Variants in ZBTB5 observed in about 807,000 individuals in gnomAD.
ZBTB5 encodes zinc finger and BTB domain containing 5, also known as zinc finger and BTB domain-containing protein 5.
ZBTB5 carries 15 observed loss-of-function variants against 37.9 expected under a neutral mutation model. The ratio of observed to expected loss-of-function variants is 0.40; its 90% CI spans 0.26 to 0.61. ZBTB5 has a LOEUF of 0.61. Among genes scored for constraint, ZBTB5 ranks in the 20% least tolerant of loss-of-function variants. The pLI is 0.47. For synonymous variants in ZBTB5, 315 were observed against 312.4 expected, an observed-to-expected ratio of 1.01 and a Z score of -0.09; for missense variants, 708 against 856.8, an observed-to-expected ratio of 0.83 and a Z score of 2.17.
At chr9:37,445,474 C>T (rs1328749111) in intron 1 of ZBTB5, among the ~76,000 whole-genome samples, 1 of 151,750 alleles carries the variant, frequency 6.6e-6, no homozygotes, top group African/African-American at 2.4e-5. Flanking sequence ...GGGCAAAACC[C>T]CATCTCTTAC....
intron 1 of ZBTB5, among the ~76,000 whole-genome samples, chr9:37,448,740 T>C (rs1206796579): frequency 1.3e-5 from 2 of 152,344 alleles, no homozygotes; most frequent in African/African-American, 4.8e-5. Context: ...TGTCAACTTA[T>C]TTAAAAATAG....
Position 37,443,256 on chromosome 9 carries a change from A to C in ZBTB5, c.-4-701T>G, listed in dbSNP as rs1449102460. On this transcript the variant is annotated intron_variant, in intron 1 of 1. Coordinates refer to ENST00000307750, the MANE Select transcript of ZBTB5 (RefSeq NM_014872.3). ...ATCCCAGGTACTCGGGAGGCTGAGG[A>C]GGCGGAGGTTGCAGTGAGCTGAGAT... Among the ~76,000 whole-genome samples the C allele has an allele frequency of 2.6e-5, 4 of 151,514 alleles. No homozygotes were observed. In the East Asian group the frequency reaches 5.8e-4, roughly 22 times the overall value.
chr9:37,452,839 A>G (rs1255170215), intron 1 of ZBTB5, among the ~76,000 whole-genome samples: 1 of 152,204 alleles, frequency 6.6e-6, no homozygotes, highest in Non-Finnish European at 1.5e-5. Flanking sequence ...CTCTGGGCCC[A>G]TGCACAAAGT....
intron 1 of ZBTB5, among the ~76,000 whole-genome samples, chr9:37,449,694 C>CAAAAAA (rs60696023): frequency 2.0e-5 from 1 of 50,026 alleles, no homozygotes; most frequent in African/African-American, 6.0e-5. Context: ...ATGAGACTCT[C>CAAAAAA]AAAAAAAAAA....
intron 1 of ZBTB5, among the ~76,000 whole-genome samples, chr9:37,456,705 C>CT (rs1162659777): frequency 1.3e-5 from 2 of 152,160 alleles, no homozygotes; most frequent in Non-Finnish European, 2.9e-5. Context: ...AGCTCAAATG[C>CT]TTTTTCTACT....
rs532719014 is a variant in ZBTB5, at chr9:37,450,996, G to A, written c.-4-8441C>T. 6.1e-4 allele frequency among the ~76,000 whole-genome samples: 93 copies of A among 152,014 alleles called. 1 individual carries two copies. Among genetic ancestry groups the A allele is most frequent in the Non-Finnish European group, 4.9e-4 (33 of 67,968 alleles). On this transcript the variant is annotated intron_variant, in intron 1 of 1. Transcript: ENST00000307750. ...TGGAAAACAGGAACCTGGGCAACAT[G>A]GTGAGACCCCCGTCTCTACCAAAAA...
chr9:37,447,547 T>C (rs920332340), intron 1 of ZBTB5, among the ~76,000 whole-genome samples: 6 of 152,190 alleles, frequency 3.9e-5, no homozygotes, highest in African/African-American at 1.4e-4. Flanking sequence ...CACTGCAGCT[T>C]TGAACTCCTG....
chr9:37,442,614 C>T, intron 1 of ZBTB5, 59 bp from the exon 2 acceptor site: 1 of 1,376,338 alleles, frequency 7.3e-7, no homozygotes, highest in Non-Finnish European at 9.9e-7. Context: ...AGTCAGAACA[C>T]AAAGGGTATG....
At chr9:37,447,773 A>T (rs763186716) in intron 1 of ZBTB5, among the ~76,000 whole-genome samples, 2 of 151,902 alleles carry the variant, frequency 1.3e-5, no homozygotes, top group African/African-American at 2.4e-5. Flanking sequence ...AGGCATACTG[A>T]TTTAAAAGGG....
chr9:37,457,696 C>G (rs980775105), intron 1 of ZBTB5, among the ~76,000 whole-genome samples: 1 of 152,212 alleles, frequency 6.6e-6, no homozygotes. Context: ...GTGAAAGAAC[C>G]TCTCAATGGT....
chr9:37,446,383 T>C (rs1474528917), intron 1 of ZBTB5, among the ~76,000 whole-genome samples: 1 of 152,120 alleles, frequency 6.6e-6, no homozygotes. Flanking sequence ...TCCACAAAAT[T>C]CAAGGGTCTA....
rs1422746788 is a variant in ZBTB5 at position 37,440,294 on chromosome 9, A to G, written c.*224T>C. ...CTTTCTGACTGCATTACTCAACCCC[A>G]AGGAAGCACCTGGTTTCAGGGATTG... On this transcript the variant is annotated 3_prime_UTR_variant, in exon 2 of 2. Coordinates refer to ENST00000307750, the MANE Select transcript of ZBTB5 (RefSeq NM_014872.3). 3 of 540,754 alleles carry G rather than the reference A, an allele frequency of 5.5e-6. No homozygotes were observed. Among genetic ancestry groups the G allele is most frequent in the Non-Finnish European group, 6.5e-6 (2 of 306,954 alleles). The allele number at this position is 540,754 out of a possible 1,614,324, so 33.5% of individuals were successfully genotyped here. A position where few individuals can be genotyped will look rare whatever the true frequency, so the allele number is the denominator to read the frequency against.
chr9:37,452,550 C>T (rs1824122984), intron 1 of ZBTB5, among the ~76,000 whole-genome samples: 1 of 152,140 alleles, frequency 6.6e-6, no homozygotes, highest in African/African-American at 2.4e-5. Flanking sequence ...AGAGGCAAAT[C>T]ATAAGAGAAA....
Position 37,441,386 on chromosome 9 carries a change from A to G in ZBTB5, c.1166T>C (p.Val389Ala), listed in dbSNP as rs150343288. 810 of 1,613,916 alleles carry G rather than the reference A, an allele frequency of 5.0e-4. No individual in the cohort carries two copies. The highest frequency in any genetic ancestry group is 6.5e-4 in the Non-Finnish European group (764 of 1,179,982). ...GACTTCCAAAATATGGATATCACCT[A>G]CCCTGTCTGTGCTAGACTGGGGATC... Reference protein sequence around the residue: ...FSDPQSSTDRVGDIHILEVTN... With the variant: ...FSDPQSSTDRAGDIHILEVTN... The change falls in exon 2 of 2, where the codon GTA (valine) becomes GCA (alanine). Residue 389 changes from valine to alanine, a missense_variant. Physicochemically the swap from Val to Ala is moderately conservative, Grantham distance 64 (BLOSUM62 0). Coordinates refer to ENST00000307750, the MANE Select transcript of ZBTB5 (RefSeq NM_014872.3).
intron 1 of ZBTB5, among the ~76,000 whole-genome samples, chr9:37,448,506 T>A (rs1394642327): frequency 6.6e-6 from 1 of 151,858 alleles, no homozygotes. Context: ...TTAATCCATG[T>A]GACTTTGGAA....
intron 1 of ZBTB5, among the ~76,000 whole-genome samples, chr9:37,462,688 T>A (rs557067415): frequency 2.6e-5 from 4 of 151,820 alleles, no homozygotes; most frequent in African/African-American, 9.7e-5. Context: ...CTCGGCCTCC[T>A]GAGTAGCTGG....
chr9:37,461,503 G>A (rs756712837), intron 1 of ZBTB5, among the ~76,000 whole-genome samples: 8 of 152,162 alleles, frequency 5.3e-5, no homozygotes, highest in Non-Finnish European at 8.8e-5. Flanking sequence ...CAAGGCAGTC[G>A]GATCACCTGA....
chr9:37,463,677 CTAAGTCTG>C (rs1824335582), intron 1 of ZBTB5, among the ~76,000 whole-genome samples: 1 of 152,212 alleles, frequency 6.6e-6, no homozygotes, highest in Non-Finnish European at 1.5e-5. Context: ...GCGTTCGCTC[CTAAGTCTG>C]TAAGATGCCT....
chr9:37,465,126 T>A (rs1166784283), intron 1 of ZBTB5, 89 bp downstream of exon 1: 2 of 152,278 alleles, frequency 1.3e-5, no homozygotes, highest in East Asian at 3.8e-4. Context: ...GTCTGCGCGC[T>A]CCCCGACGCC....
Sources: allele counts gnomAD v4.1 joint callset (sites outside exome capture counted in the v4.1 genomes callset), GRCh38; gene constraint gnomAD v4.1.1; transcripts MANE v1.5; gene names NCBI Gene and HGNC (gene_info 2026-07-23, HGNC 2026-07-21).